Variants in VPS9D1 observed in about 807,000 individuals in gnomAD.
VPS9D1 encodes the protein VPS9 domain-containing protein 1.
Under a neutral mutation model 75.8 loss-of-function variants are expected in VPS9D1, and 78 were observed. That is an observed-to-expected ratio of 1.03 (90% CI 0.86 to 1.24). The LOEUF is 1.24. Ranked by LOEUF, VPS9D1 falls within the 50% of genes most tolerant of loss-of-function variation. VPS9D1 has a pLI of 0.00. For missense variants in VPS9D1, 1,057 were observed against 847.7 expected, an observed-to-expected ratio of 1.25 and a Z score of -3.07; for synonymous variants, 481 against 385.6, an observed-to-expected ratio of 1.25 and a Z score of -2.90.
At chr16:89,708,405 A>G (rs11641176) in intron 14 of VPS9D1, 22 bp downstream of exon 14, 1 of 1,598,994 alleles carries the variant, frequency 6.3e-7, no homozygotes, top group African/African-American at 1.3e-5. Flanking sequence ...AGAGACCCCC[A>G]CCCTGACCCG....
Position 89,712,610 on chromosome 16 carries a change from A to T in VPS9D1, c.538T>A (p.Ser180Thr). ...CCTCCCTAGCCCCCACTCACCAGGG[A>T]TGTCTTCTGCATGGCCTGGCTGGGG... ...LDPSQAMQKT[S>T]LTLSLQRQMM... The change falls in exon 5 of 15, where the codon TCC becomes ACC. Residue 180 changes from serine (S) to threonine (T), a missense_variant. Transcript: ENST00000389386. 2 of 1,609,512 alleles carry T rather than the reference A, an allele frequency of 1.2e-6. No homozygotes were observed. The highest frequency in any genetic ancestry group is 1.7e-6 in the Non-Finnish European group (2 of 1,178,228).
In VPS9D1 at chr16:89,716,456, TCTTA is replaced by T. The variant is rs2061071263; in HGVS notation, c.431+2_431+5del. 4.3e-6 allele frequency: 7 copies of T among 1,613,766 alleles called. No homozygotes were observed. The highest frequency in any genetic ancestry group is 1.7e-5 in the Admixed American group (1 of 59,986). On this transcript the variant is annotated splice_donor_variant and splice_donor_5th_base_variant and intron_variant, in intron 4 of 14. Transcript: ENST00000389386. LOFTEE classifies it high-confidence loss of function. ...CTCATCCCACCTCCCATCTTGTCCA[TCTTA>T]CTTCTTACAGCTTTGTGACTCTGCC...
chr16:89,709,020 A>AT, intron 12 of VPS9D1, 64 bp from the exon 13 acceptor site: 6 of 1,277,896 alleles, frequency 4.7e-6, no homozygotes, highest in Non-Finnish European at 6.2e-6. Flanking sequence ...CACCCCTTAT[A>AT]CCCCGCCCAC....
chr16:89,716,859 C>T (rs751659113), intron 2 of VPS9D1, 37 bp from the exon 3 acceptor site: 1 of 1,542,274 alleles, frequency 6.5e-7, no homozygotes, highest in African/African-American at 1.4e-5. Flanking sequence ...ACAGTCGGCT[C>T]TACCACTGTT....
chr16:89,708,700 C>T (rs901549525), intron 13 of VPS9D1, among the ~76,000 whole-genome samples, 157 bp downstream of exon 13: 3 of 152,200 alleles, frequency 2.0e-5, no homozygotes, highest in Non-Finnish European at 4.4e-5. Context: ...AGGGAGCTCC[C>T]GTACTGCGGA....
In VPS9D1 at chr16:89,716,800, G is replaced by T; in HGVS notation, c.198C>A (p.Pro66=). 1.3e-6 allele frequency: 2 copies of T among 1,587,268 alleles called. No homozygotes were observed. The highest frequency in any genetic ancestry group is 1.9e-4 in the Middle Eastern group (1 of 5,348). The change falls in exon 3 of 15, where the codon CCC becomes CCA. Residue 66 remains proline (P), a synonymous_variant. Transcript: ENST00000389386. ...CTAGCTTCAGCATCTTGGAGGTGTC[G>T]GGGGGCACAGTTTCCCCAGCTTCTG... The part of the protein sequence containing the change: ...TTKEAGETVP[P]DTSKMLKLAQ...
chr16:89,709,335 G>T lies in VPS9D1; in HGVS notation c.1489C>A (p.Gln497Lys), dbSNP rs550355297. The change falls in exon 12 of 15, where the codon CAG becomes AAG. Residue 497 changes from glutamine (Q) to lysine (K), a missense_variant. Gln to Lys is a moderately conservative substitution (Grantham distance 53). Coordinates refer to ENST00000389386, the MANE Select transcript of VPS9D1 (RefSeq NM_004913.3). ...AIGIPTKLLP[Q>K]NPEAKGATGY... Reference sequence around the variant, plus strand: ...GTGGCCCCCTTGGCCTCAGGGTTCTGGGGGAGGAGCTTGGTGGGGATGCCA... The same window carrying T: ...GTGGCCCCCTTGGCCTCAGGGTTCTTGGGGAGGAGCTTGGTGGGGATGCCA... 1.3e-4 allele frequency: 202 copies of T among 1,597,386 alleles called. 2 individuals are homozygous for T. In the South Asian group the frequency reaches 2.2e-3, roughly 17 times the overall value.
At chr16:89,711,115 C>A (rs2060907485) in intron 9 of VPS9D1, 105 bp from the exon 10 acceptor site, 1 of 1,285,602 alleles carries the variant, frequency 7.8e-7, no homozygotes, top group Non-Finnish European at 1.0e-6. Flanking sequence ...GCATTACCTC[C>A]TGACAGTGAA....
chr16:89,712,932 C>A, intron 4 of VPS9D1: 1 of 461,856 alleles, frequency 2.2e-6, no homozygotes. Context: ...GCCTCTAATG[C>A]CAGCACTTTA....
At position 89,719,121 on chromosome 16, in the gene VPS9D1, A is replaced by G. The variant is rs754839904; in HGVS notation, c.100-19T>C. 5.6e-6 allele frequency: 9 copies of G among 1,611,888 alleles called. No homozygotes were observed. The East Asian group carries it at 1.8e-4, about 32-fold the overall frequency. On this transcript the variant is annotated intron_variant, in intron 1 of 14. Coordinates refer to ENST00000389386, the MANE Select transcript of VPS9D1 (RefSeq NM_004913.3). ...ATGCCTCCTGTGTCCAGGAAAGAGA[A>G]AGAGTGGGGTCAGGCCAGTGGAGGG...
At chr16:89,718,514 T>C (rs2061146376) in intron 2 of VPS9D1, among the ~76,000 whole-genome samples, 1 of 152,058 alleles carries the variant, frequency 6.6e-6, no homozygotes, top group Admixed American at 6.6e-5. Context: ...CACCCCAGTC[T>C]CCATCTTCTT....
Position 89,708,475 on chromosome 16 carries a change from G to A in VPS9D1, c.1754C>T (p.Pro585Leu). ...GGCCGCGCACTCCGACACCAGCTGA[G>A]GGAGGCCGCTCCTCAGCACCACGAA... ...LSFVVLRSGL[P>L]QLVSECAALE... The change falls in exon 14 of 15, where the codon CCT becomes CTT. Residue 585 changes from proline (P) to leucine (L), a missense_variant. By Grantham distance (98) the Pro-to-Leu change is moderately conservative. Coordinates refer to ENST00000389386, the MANE Select transcript of VPS9D1 (RefSeq NM_004913.3). 2 of 1,613,122 alleles carry A rather than the reference G, an allele frequency of 1.2e-6. No individual in the cohort carries two copies. Among genetic ancestry groups the A allele is most frequent in the Middle Eastern group, 1.7e-4 (1 of 6,060 alleles).
chr16:89,711,908 C>A lies in VPS9D1; in HGVS notation c.721G>T (p.Ala241Ser). 6.4e-7 allele frequency: 1 copy of A among 1,551,408 alleles called. No individual in the cohort carries two copies. Among genetic ancestry groups the A allele is most frequent in the Non-Finnish European group, 8.7e-7 (1 of 1,147,084 alleles). Reference sequence around the variant, plus strand: ...TGGTCCTGTTCGTACTCCAGGATGGCGGCGTAAAGGGCCCGCTGCTCCCGT... The same window carrying A: ...TGGTCCTGTTCGTACTCCAGGATGGAGGCGTAAAGGGCCCGCTGCTCCCGT... ...EEREQRALYA[A>S]ILEYEQDHDW... The change falls in exon 8 of 15, where the codon GCC becomes TCC. Residue 241 changes from alanine (A) to serine (S), a missense_variant. Ala to Ser is a moderately conservative substitution (Grantham distance 99, BLOSUM62 1). Transcript: ENST00000389386.
At position 89,711,039 on chromosome 16, in the gene VPS9D1, G is replaced by A. The variant is rs1021431165; in HGVS notation, c.834-29C>T. ...CGGGAGAAGAGGACGTGAGAACGCG[G>A]CCAGCCTCGGCCTCTCCGTGGCATC... On this transcript the variant is annotated intron_variant, in intron 9 of 14. Coordinates refer to ENST00000389386, the MANE Select transcript of VPS9D1 (RefSeq NM_004913.3). 3.5e-6 allele frequency: 5 copies of A among 1,432,154 alleles called. No homozygotes were observed. The Admixed American group carries it at 1.1e-4, about 33-fold the overall frequency. 88.7% of individuals were successfully genotyped at this position (1,432,154 alleles called of 1,614,324 possible). A position where few individuals can be genotyped will look rare whatever the true frequency, so the allele number is the denominator to read the frequency against.
At chr16:89,712,737 TG>T in intron 4 of VPS9D1, 21 bp from the exon 5 acceptor site, 1 of 1,434,254 alleles carries the variant, frequency 7.0e-7, no homozygotes, top group African/African-American at 1.5e-5. Context: ...GACAAGCTGC[TG>T]TCTAGACCCC....
chr16:89,709,025 G>GGCCCCC, intron 12 of VPS9D1, 69 bp from the exon 13 acceptor site: 20 of 627,182 alleles, frequency 3.2e-5, no homozygotes, highest in South Asian at 2.1e-4. Context: ...CTTATACCCC[G>GGCCCCC]CCCACCCACC....
In VPS9D1 at chr16:89,708,961, G is replaced by T. The variant is rs1046311793; in HGVS notation, c.1598-5C>A. 2.5e-6 allele frequency: 4 copies of T among 1,592,846 alleles called. No homozygotes were observed. The highest frequency in any genetic ancestry group is 3.4e-6 in the Non-Finnish European group (4 of 1,171,328). On this transcript the variant is annotated splice_region_variant and splice_polypyrimidine_tract_variant and intron_variant, in intron 12 of 14. Transcript: ENST00000389386. ...AGATGATCCGCAGGGTCCGCACTGC[G>T]CCCCAGACAGGGTTTCAGGGGCAGT...
chr16:89,709,025 G>GCCCCCCCC, intron 12 of VPS9D1, 69 bp from the exon 13 acceptor site: 8 of 627,186 alleles, frequency 1.3e-5, no homozygotes, highest in South Asian at 6.0e-5. Context: ...CTTATACCCC[G>GCCCCCCCC]CCCACCCACC....
Position 89,719,013 on chromosome 16 carries a change from T to C in VPS9D1, c.175+14A>G, listed in dbSNP as rs759980310. Reference sequence around the variant, plus strand: ...ACAGGCGTGAGCCACCGCGCCCGGCTGGCTGAGCCGTACCTTTAGTGGTTT... The same window carrying C: ...ACAGGCGTGAGCCACCGCGCCCGGCCGGCTGAGCCGTACCTTTAGTGGTTT... On this transcript the variant is annotated intron_variant, in intron 2 of 14. Coordinates refer to ENST00000389386, the MANE Select transcript of VPS9D1 (RefSeq NM_004913.3). 1.6e-5 allele frequency: 26 copies of C among 1,610,020 alleles called. No individual in the cohort carries two copies. The highest frequency in any genetic ancestry group is 3.3e-5 in the South Asian group (3 of 91,056).
Sources: gnomAD v4.1 joint callset for allele counts (sites outside exome capture counted in the v4.1 genomes callset) on GRCh38, gnomAD v4.1.1 for gene constraint, MANE v1.5 for transcripts, NCBI Gene and HGNC (gene_info 2026-07-23, HGNC 2026-07-21) for gene names.